MTMR8: variants seen among roughly 807,000 people sequenced by gnomAD.
MTMR8 encodes the protein myotubularin related protein 8, also known as phosphatidylinositol-3,5-bisphosphate 3-phosphatase MTMR8.
MTMR8 carries 65 observed loss-of-function variants against 39.3 expected under a neutral mutation model. That is an observed-to-expected ratio of 1.65 (90% CI 1.35 to 2.03). MTMR8 has a LOEUF of 2.03. Ranked by LOEUF, MTMR8 falls within the 30% of genes most tolerant of loss-of-function variation. MTMR8 has a pLI of 0.00. For missense variants in MTMR8, 777 were observed against 538.9 expected, an observed-to-expected ratio of 1.44 and a Z score of -4.37; for synonymous variants, 245 against 185.2, an observed-to-expected ratio of 1.32 and a Z score of -2.62.
At chrX:64,387,697 T>C (rs1164811238) in intron 1 of MTMR8, among the ~76,000 whole-genome samples, 1 of 88,741 alleles carries the variant, frequency 1.1e-5, no homozygotes, top group African/African-American at 4.4e-5. Flanking sequence ...GAAGAGAGAA[T>C]GAGAGAGAGA....
intron 12 of MTMR8, among the ~76,000 whole-genome samples, chrX:64,300,400 C>T (rs1921813698): frequency 9.0e-6 from 1 of 111,061 alleles, no homozygotes; most frequent in Non-Finnish European, 1.9e-5. Flanking sequence ...CATTGCAAAC[C>T]CTGCCTTTTT....
chrX:64,367,927 T>A (rs968149358), intron 1 of MTMR8, among the ~76,000 whole-genome samples: 3 of 112,000 alleles, frequency 2.7e-5, no homozygotes, highest in Admixed American at 9.5e-5. Context: ...GGATACAAAA[T>A]CAATGTGCAA....
intron 5 of MTMR8, 139 bp from the exon 6 acceptor site, chrX:64,348,933 CT>C: frequency 1.5e-6 from 1 of 667,722 alleles, no homozygotes; most frequent in Non-Finnish European, 2.2e-6. Flanking sequence ...AGAAATGTGA[CT>C]CTAAAGTCAT....
At chrX:64,316,058 A>G (rs1213418565) in intron 12 of MTMR8, among the ~76,000 whole-genome samples, 1 of 111,692 alleles carries the variant, frequency 9.0e-6, no homozygotes, top group African/African-American at 3.3e-5. Flanking sequence ...TAATATAATT[A>G]TCTTAAACAT....
intron 12 of MTMR8, among the ~76,000 whole-genome samples, chrX:64,308,186 A>C (rs1313108702): frequency 9.0e-6 from 1 of 111,003 alleles, no homozygotes; most frequent in South Asian, 3.8e-4. Context: ...ATTAGCTAAG[A>C]ATTCAAAAAA....
Position 64,356,331 on chromosome X carries a change from A to G in MTMR8, c.155T>C (p.Leu52Pro). 8.3e-7 allele frequency: 1 copy of G among 1,200,480 alleles called. No individual in the cohort carries two copies. Among genetic ancestry groups the G allele is most frequent in the Non-Finnish European group, 1.1e-6 (1 of 891,444 alleles). ...GAARKETWIA[L>P]HHIATVEKLP... ...CTTCTCCACAGTGGCAATGTGATGG[A>G]GTGCAATCTGAAAAACATAAAAGAA... The change falls in exon 3 of 14, where the codon CTC becomes CCC. Residue 52 changes from leucine to proline, a missense_variant. Physicochemically the swap from Leu to Pro is moderately conservative, Grantham distance 98 (BLOSUM62 -3). Coordinates refer to ENST00000374852, the MANE Select transcript of MTMR8 (RefSeq NM_017677.4).
At chrX:64,335,668 T>C (rs1372088198) in intron 10 of MTMR8, among the ~76,000 whole-genome samples, 1 of 111,683 alleles carries the variant, frequency 9.0e-6, no homozygotes, top group Non-Finnish European at 1.9e-5. Context: ...ATTGTCTTGA[T>C]ATTAGTCCCT....
At chrX:64,371,790 G>T (rs1483516341) in intron 1 of MTMR8, among the ~76,000 whole-genome samples, 3 of 110,489 alleles carry the variant, frequency 2.7e-5, no homozygotes, top group Non-Finnish European at 3.8e-5. Flanking sequence ...ATAGGGGAAA[G>T]GATTAGGTAA....
intron 1 of MTMR8, among the ~76,000 whole-genome samples, chrX:64,368,624 A>G (rs775231499): frequency 8.9e-6 from 1 of 112,368 alleles, no homozygotes; most frequent in African/African-American, 3.2e-5. Context: ...TGGATTAAAG[A>G]CTTAAATGTT....
At chrX:64,381,446 GTTT>G (rs150707143) in intron 1 of MTMR8, among the ~76,000 whole-genome samples, 19 of 91,755 alleles carry the variant, frequency 2.1e-4, no homozygotes, top group African/African-American at 7.6e-4. Context: ...CGATGGGGTT[GTTT>G]TTTTTTTTTT....
intron 12 of MTMR8, among the ~76,000 whole-genome samples, chrX:64,325,439 C>T (rs1922764838): frequency 8.9e-6 from 1 of 111,765 alleles, no homozygotes; most frequent in African/African-American, 3.2e-5. Flanking sequence ...AAAGATTATT[C>T]ACTATGATCA....
intron 12 of MTMR8, among the ~76,000 whole-genome samples, chrX:64,271,891 G>A: frequency 8.9e-6 from 1 of 112,290 alleles, no homozygotes; most frequent in East Asian, 2.8e-4. Context: ...GCTTCTCCCT[G>A]GGAAGGGAAA....
Position 64,359,406 on chromosome X carries a change from C to T in MTMR8, c.146G>A (p.Trp49Ter), listed in dbSNP as rs370725319. Residue 49 changes from tryptophan (W) to a stop codon, truncating the protein, a stop_gained and splice_region_variant, in exon 2 of 14, where the codon TGG (tryptophan) becomes TAG (stop). Coordinates refer to ENST00000374852, the MANE Select transcript of MTMR8 (RefSeq NM_017677.4). LOFTEE classifies it high-confidence loss of function. ...EASGAARKET[W>*]IALHHIATVE... ...TGATACTTCTTCTCATGAACATACCCATGTTTCTTTCCGGGCTGCACCTGA... is the reference window on the plus strand; with the variant it reads ...TGATACTTCTTCTCATGAACATACCTATGTTTCTTTCCGGGCTGCACCTGA... 12 of 1,200,396 alleles carry T rather than the reference C, an allele frequency of 1.0e-5. No individual in the cohort carries two copies. The highest frequency in any genetic ancestry group is 1.3e-5 in the Non-Finnish European group (12 of 889,693).
chrX:64,279,243 T>C (rs1038487730), intron 12 of MTMR8, among the ~76,000 whole-genome samples: 1 of 112,245 alleles, frequency 8.9e-6, no homozygotes, highest in Admixed American at 9.4e-5. Flanking sequence ...CAAACTCATT[T>C]CGTGTTAGCC....
At chrX:64,359,749 A>C (rs1923727727) in intron 1 of MTMR8, among the ~76,000 whole-genome samples, 2 of 110,982 alleles carry the variant, frequency 1.8e-5, no homozygotes, top group Admixed American at 9.6e-5. Context: ...AGAAAAGATA[A>C]AAATTCTAGA....
intron 1 of MTMR8, among the ~76,000 whole-genome samples, chrX:64,363,912 G>T (rs760393390): frequency 8.9e-6 from 1 of 112,405 alleles, no homozygotes; most frequent in Non-Finnish European, 1.9e-5. Context: ...AACAGTATAA[G>T]CAAATGGCAC....
chrX:64,278,951 C>A (rs1931944936), intron 12 of MTMR8, among the ~76,000 whole-genome samples: 1 of 111,739 alleles, frequency 8.9e-6, no homozygotes, highest in Admixed American at 9.5e-5. Flanking sequence ...AGCTTCGTCC[C>A]AGAGGGGCAC....
chrX:64,269,806 G>T (rs771338825), intron 13 of MTMR8, among the ~76,000 whole-genome samples: 2 of 111,168 alleles, frequency 1.8e-5, no homozygotes, highest in Non-Finnish European at 3.8e-5. Flanking sequence ...AGTCAACAGG[G>T]TTGTCTGGGT....
intron 1 of MTMR8, among the ~76,000 whole-genome samples, chrX:64,376,678 A>G (rs1924277566): frequency 8.9e-6 from 1 of 112,800 alleles, no homozygotes. Context: ...AAAAGTTTAG[A>G]AAACTTGCAG....
Sources: gnomAD v4.1 joint callset for allele counts (sites outside exome capture counted in the v4.1 genomes callset) on GRCh38, gnomAD v4.1.1 for gene constraint, MANE v1.5 for transcripts, NCBI Gene and HGNC (gene_info 2026-07-23, HGNC 2026-07-21) for gene names.